The following THAP12 variants were observed in gnomAD, a reference collection of about 807,000 sequenced individuals.
THAP12 encodes THAP domain containing 12.
In THAP12, 20 loss-of-function variants were observed where a neutral mutation model predicts 63.0. The observed-to-expected ratio is 0.32, with a 90% CI of 0.22 to 0.46. THAP12 has a LOEUF of 0.46. Ranked by LOEUF, THAP12 falls within the 20% of genes least tolerant of loss-of-function variation. The pLI is 1.00. For synonymous variants in THAP12, 264 were observed against 328.4 expected (o/e 0.80, Z 2.12); for missense variants, 568 against 908.2 (o/e 0.63, Z 4.81).
At chr11:76,370,835 A>G (rs1040174807) in intron 1 of THAP12, among the ~76,000 whole-genome samples, 1 of 132,204 alleles carries the variant, frequency 7.6e-6, no homozygotes, top group East Asian at 2.4e-4. Context: ...AAAAAGAAAA[A>G]AAAAAAAAAT....
At position 76,351,481 on chromosome 11, in the gene THAP12, G is replaced by A. The variant is rs773846983; in HGVS notation, c.1669C>T (p.Arg557Cys). The change falls in exon 5 of 5, where the codon CGC becomes TGC. Residue 557 changes from arginine (R) to cysteine (C), a missense_variant. Arg to Cys is a radical substitution (Grantham distance 180). Transcript: ENST00000260045. ...TCCAAGTTACCCTGGTGAGCTCTGC[G>A]GAATTTCCCAGGGAGTTTCATTTGA... is the stretch of plus-strand genomic sequence containing the variant. ...DIQMKLPGKF[R>C]RAHQGNLESQ... 2.1e-5 allele frequency: 33 copies of A among 1,574,200 alleles called. No individual in the cohort carries two copies. The highest frequency in any genetic ancestry group is 1.9e-5 in the Non-Finnish European group (22 of 1,158,022).
At chr11:76,368,110 C>T (rs1263547416) in intron 1 of THAP12, among the ~76,000 whole-genome samples, 4 of 152,180 alleles carry the variant, frequency 2.6e-5, no homozygotes, top group Non-Finnish European at 4.4e-5. Flanking sequence ...ACCTTCCACA[C>T]AGAGCAATAC....
intron 4 of THAP12, among the ~76,000 whole-genome samples, chr11:76,353,050 T>A (rs79051947): frequency 1.4e-5 from 2 of 147,808 alleles, no homozygotes; most frequent in Non-Finnish European, 3.0e-5. Flanking sequence ...ATAGGAATAA[T>A]TTTTTTTTTT....
At chr11:76,369,328 C>A (rs1406074324) in intron 1 of THAP12, among the ~76,000 whole-genome samples, 2 of 152,160 alleles carry the variant, frequency 1.3e-5, no homozygotes, top group African/African-American at 4.8e-5. Flanking sequence ...TACTACTTGG[C>A]TATGAAATGA....
At chr11:76,371,326 T>C (rs1170156780) in intron 1 of THAP12, among the ~76,000 whole-genome samples, 2 of 152,338 alleles carry the variant, frequency 1.3e-5, no homozygotes, top group Admixed American at 1.3e-4. Context: ...TACACTCTTC[T>C]TGCTGCTTTT....
At position 76,380,737 on chromosome 11, in the gene THAP12, C is replaced by G. The variant is rs1946750958; in HGVS notation, c.89+11G>C. 4 of 1,420,434 alleles carry G rather than the reference C, an allele frequency of 2.8e-6. No homozygotes were observed. The highest frequency in any genetic ancestry group is 3.7e-6 in the Non-Finnish European group (4 of 1,076,720). 88.0% of individuals were successfully genotyped at this position (1,420,434 alleles called of 1,614,324 possible). A position where few individuals can be genotyped will look rare whatever the true frequency, so the allele number is the denominator to read the frequency against. On this transcript the variant is annotated intron_variant, in intron 1 of 4. Transcript: ENST00000260045. ...TGGGCCCGGGCCGCCCGCTCTGCGC[C>G]CGCCGCTTACCTGGCAGGGTCCCGC...
chr11:76,359,824 C>T (rs573396437), intron 3 of THAP12, among the ~76,000 whole-genome samples: 21 of 140,056 alleles, frequency 1.5e-4, no homozygotes, highest in Admixed American at 9.3e-4. Context: ...GACTCTGTCT[C>T]GGGGGGGAAA....
At chr11:76,377,191 C>T (rs1245669152) in intron 1 of THAP12, among the ~76,000 whole-genome samples, 1 of 152,188 alleles carries the variant, frequency 6.6e-6, no homozygotes, top group Non-Finnish European at 1.5e-5. Flanking sequence ...GTTTGAAAGT[C>T]TCTGAATTTC....
At chr11:76,359,186 T>C (rs1388763941) in intron 3 of THAP12, 2 of 152,210 alleles carry the variant, frequency 1.3e-5, no homozygotes, top group Non-Finnish European at 2.9e-5. Flanking sequence ...GATCTAAGAA[T>C]GCATACATTC....
In THAP12 at chr11:76,352,369, A is replaced by T; in HGVS notation, c.781T>A (p.Ser261Thr). 6.2e-7 allele frequency: 1 copy of T among 1,612,016 alleles called. No individual in the cohort carries two copies. Among genetic ancestry groups the T allele is most frequent in the Non-Finnish European group, 8.5e-7 (1 of 1,179,844 alleles). Residue 261 changes from serine (S) to threonine (T), a missense_variant, in exon 5 of 5, where the codon TCC (serine) becomes ACC (threonine). Coordinates refer to ENST00000260045, the MANE Select transcript of THAP12 (RefSeq NM_004705.4). ...TCCACTACATCGTCAGTGATAATGGAAAAGAAGTGTGAGTCTCTCACTTCC... is the reference window on the plus strand; with the variant it reads ...TCCACTACATCGTCAGTGATAATGGTAAAGAAGTGTGAGTCTCTCACTTCC... ...LREVRDSHFF[S>T]IITDDVVDIA...
chr11:76,359,827 G>T (rs542216665), intron 3 of THAP12, among the ~76,000 whole-genome samples: 84 of 149,254 alleles, frequency 5.6e-4, no homozygotes, highest in Non-Finnish European at 1.1e-3. Flanking sequence ...TCTGTCTCGG[G>T]GGGGAAAAAA....
intron 1 of THAP12, among the ~76,000 whole-genome samples, chr11:76,370,022 G>A (rs1257451345): frequency 1.3e-5 from 2 of 152,254 alleles, no homozygotes; most frequent in Admixed American, 1.3e-4. Context: ...CCTCAACACA[G>A]TGATGGAATA....
At chr11:76,380,231 T>G (rs1946743277) in intron 1 of THAP12, among the ~76,000 whole-genome samples, 1 of 151,684 alleles carries the variant, frequency 6.6e-6, no homozygotes, top group Admixed American at 6.6e-5. Flanking sequence ...AGAAAATGAA[T>G]CCTGAACCGT....
In THAP12 at chr11:76,352,230, G is replaced by A; in HGVS notation, c.920C>T (p.Ala307Val). The A allele has an allele frequency of 6.2e-7, 1 of 1,611,684 alleles. No homozygotes were observed. Among genetic ancestry groups the A allele is most frequent in the Non-Finnish European group, 8.5e-7 (1 of 1,179,732 alleles). Residue 307 changes from alanine (A) to valine (V), a missense_variant, in exon 5 of 5, where the codon GCT becomes GTT. Ala to Val is a moderately conservative substitution (Grantham distance 64). Transcript: ENST00000260045. ...AGTTATCATAGTGTGAAATTTCACAGCCAAAATTTCTGCATCGGCTTCATA... is the reference window on the plus strand; with the variant it reads ...AGTTATCATAGTGTGAAATTTCACAACCAAAATTTCTGCATCGGCTTCATA... ...LPYEADAEIL[A>V]VKFHTMITEK...
At chr11:76,380,072 A>G (rs1946741356) in intron 1 of THAP12, among the ~76,000 whole-genome samples, 1 of 152,156 alleles carries the variant, frequency 6.6e-6, no homozygotes, top group South Asian at 2.1e-4. Flanking sequence ...CCTTTCAAAC[A>G]CAGTCCCTAT....
chr11:76,355,454 A>G (rs1012607386), intron 4 of THAP12, among the ~76,000 whole-genome samples, 164 bp downstream of exon 4: 1 of 152,178 alleles, frequency 6.6e-6, no homozygotes, highest in Non-Finnish European at 1.5e-5. Flanking sequence ...CTAAAATTAG[A>G]CTTTAGTCTC....
Position 76,380,781 on chromosome 11 carries a change from A to C in THAP12, c.56T>G (p.Leu19Trp). 6.8e-7 allele frequency: 1 copy of C among 1,467,494 alleles called. No individual in the cohort carries two copies. Among genetic ancestry groups the C allele is most frequent in the Non-Finnish European group, 9.1e-7 (1 of 1,104,346 alleles). 90.9% of individuals were successfully genotyped at this position (1,467,494 alleles called of 1,614,324 possible). The change falls in exon 1 of 5, where the codon TTG becomes TGG. Residue 19 changes from leucine to tryptophan, a missense_variant. Leu to Trp is a moderately conservative substitution (Grantham distance 61). Coordinates refer to ENST00000260045, the MANE Select transcript of THAP12 (RefSeq NM_004705.4). ...NCTRKSTQSDLAFFRFPRDPA... is the reference protein window; with the variant it reads ...NCTRKSTQSDWAFFRFPRDPA... Reference sequence around the variant, plus strand: ...GTCCCGCGGGAACCTGAAGAAGGCCAAGTCGGACTGCGTGCTCTTCCGCGT... The same window carrying C: ...GTCCCGCGGGAACCTGAAGAAGGCCCAGTCGGACTGCGTGCTCTTCCGCGT...
intron 3 of THAP12, chr11:76,357,660 A>G (rs950557824): frequency 1.1e-4 from 16 of 152,204 alleles, no homozygotes; most frequent in Admixed American, 6.5e-4. Context: ...CACATAGACT[A>G]TATGTATCCT....
At chr11:76,365,708 T>C (rs1432288430) in intron 2 of THAP12, 144 bp downstream of exon 2, 12 of 1,125,340 alleles carry the variant, frequency 1.1e-5, no homozygotes, top group Non-Finnish European at 1.5e-5. Flanking sequence ...CAGATACTTT[T>C]CAGCTCCAAA....
Sources: gnomAD v4.1 joint callset for allele counts (sites outside exome capture counted in the v4.1 genomes callset) on GRCh38, gnomAD v4.1.1 for gene constraint, MANE v1.5 for transcripts, NCBI Gene and HGNC (gene_info 2026-07-23, HGNC 2026-07-21) for gene names.